ITIH4: variants seen among roughly 807,000 people sequenced by gnomAD.
ITIH4 encodes inter-alpha-trypsin inhibitor heavy chain 4.
ITIH4 carries 79 observed loss-of-function variants against 111.8 expected under a neutral mutation model. That is an observed-to-expected ratio of 0.71 (90% CI 0.59 to 0.85). ITIH4 has a LOEUF of 0.85. ITIH4 is among the 40% of genes least tolerant of loss of function. The pLI is 0.00. For missense variants in ITIH4, 1,065 were observed against 1,195.8 expected (o/e 0.89, Z 1.61); for synonymous variants, 472 against 468.3 (o/e 1.01, Z -0.10).
rs1475266224 is a variant in ITIH4 at position 52,819,524 on chromosome 3, G to A, written c.1952-6C>T. ...CCGGGAGCCAGCAGCTCCAGCTTTGGAGAAATCGACAGATGCAGTCTTCTC... is the reference window on the plus strand; with the variant it reads ...CCGGGAGCCAGCAGCTCCAGCTTTGAAGAAATCGACAGATGCAGTCTTCTC... On this transcript the variant is annotated splice_polypyrimidine_tract_variant and splice_region_variant and intron_variant, in intron 16 of 23. Transcript: ENST00000266041. The A allele has an allele frequency of 1.9e-6, 3 of 1,613,950 alleles. No individual in the cohort carries two copies. The highest frequency in any genetic ancestry group is 1.3e-5 in the African/African-American group (1 of 74,916).
chr3:52,821,268 G>C (rs1700376440), intron 11 of ITIH4, 138 bp from the exon 12 acceptor site: 1 of 1,052,654 alleles, frequency 9.5e-7, no homozygotes, highest in Non-Finnish European at 1.4e-6. Context: ...TCCTTTGAGT[G>C]GGGGTAAGGA....
At chr3:52,823,066 G>A (rs1437026467) in intron 11 of ITIH4, among the ~76,000 whole-genome samples, 1 of 152,184 alleles carries the variant, frequency 6.6e-6, no homozygotes, top group Non-Finnish European at 1.5e-5. Flanking sequence ...AGGCCCTGCC[G>A]CAGAGCTTGT....
chr3:52,816,588 T>G (rs1700280650), intron 21 of ITIH4, among the ~76,000 whole-genome samples: 1 of 152,176 alleles, frequency 6.6e-6, no homozygotes. Context: ...GTGAAGAAAC[T>G]GAGGCTCAGA....
intron 2 of ITIH4, among the ~76,000 whole-genome samples, chr3:52,828,456 C>T (rs1030817555): frequency 2.0e-5 from 3 of 152,216 alleles, no homozygotes; most frequent in African/African-American, 7.2e-5. Flanking sequence ...CTCTCTGCCC[C>T]ACCATCGCCC....
In ITIH4 at chr3:52,830,609, T is replaced by C; in HGVS notation, c.34A>G (p.Lys12Glu). ...KPPRPVRTCSKVLVLLSLLAI... is the reference protein window; with the variant it reads ...KPPRPVRTCSEVLVLLSLLAI... ...AGCAGTGAAAGCAGGACGAGAACTT[T>C]GCTGCAGGTACGGACAGGCCTTGGG... Residue 12 changes from lysine to glutamate, a missense_variant, in exon 1 of 24, where the codon AAA becomes GAA. Coordinates refer to ENST00000266041, the MANE Select transcript of ITIH4 (RefSeq NM_002218.5). The C allele has an allele frequency of 6.2e-7, 1 of 1,614,084 alleles. No homozygotes were observed. Among genetic ancestry groups the C allele is most frequent in the Non-Finnish European group, 8.5e-7 (1 of 1,179,960 alleles).
At chr3:52,819,350 C>T in intron 17 of ITIH4, 43 bp downstream of exon 17, 1 of 1,612,314 alleles carries the variant, frequency 6.2e-7, no homozygotes, top group South Asian at 1.1e-5. Flanking sequence ...TCAAGGACCA[C>T]CGTGGGAAAC....
In ITIH4 at chr3:52,821,181, C is replaced by CA. The variant is rs1179070525; in HGVS notation, c.1540-52dup. Reference sequence around the variant, plus strand: ...AGGAGCAGTGAGGGCCGGACATCTGCATCTGCCTGGCACTTCTGAGCTCTT... The same window carrying CA: ...AGGAGCAGTGAGGGCCGGACATCTGCAATCTGCCTGGCACTTCTGAGCTCTT... On this transcript the variant is annotated intron_variant, in intron 11 of 23. Coordinates refer to ENST00000266041, the MANE Select transcript of ITIH4 (RefSeq NM_002218.5). 1.9e-6 allele frequency: 3 copies of CA among 1,587,332 alleles called. No homozygotes were observed. The African/African-American group carries it at 4.0e-5, about 21-fold the overall frequency.
At chr3:52,825,739 T>G (rs1700469324) in intron 6 of ITIH4, 147 bp downstream of exon 6, 2 of 865,746 alleles carry the variant, frequency 2.3e-6, no homozygotes, top group Non-Finnish European at 3.4e-6. Context: ...ACAACACAAC[T>G]AAATCACGTG....
At position 52,816,991 on chromosome 3, in the gene ITIH4, C is replaced by A; in HGVS notation, c.2364G>T (p.Lys788Asn). ...AGFSWIEVTFKNPLVWVHASP... is the reference protein window; with the variant it reads ...AGFSWIEVTFNNPLVWVHASP... Reference sequence around the variant, plus strand: ...ATGCGTGAACCCATACCAGGGGGTTCTTGAAGGTCACTTCGATCCATGAGA... The same window carrying A: ...ATGCGTGAACCCATACCAGGGGGTTATTGAAGGTCACTTCGATCCATGAGA... Residue 788 changes from lysine (K) to asparagine (N), a missense_variant, in exon 21 of 24, where the codon AAG becomes AAT. Lys to Asn is a moderately conservative substitution (Grantham distance 94). Transcript: ENST00000266041. The A allele has an allele frequency of 6.2e-7, 1 of 1,614,014 alleles. No homozygotes were observed. Among genetic ancestry groups the A allele is most frequent in the Non-Finnish European group, 8.5e-7 (1 of 1,179,952 alleles).
chr3:52,826,689 C>G, intron 4 of ITIH4, 38 bp from the exon 5 acceptor site: 2 of 1,611,352 alleles, frequency 1.2e-6, no homozygotes, highest in South Asian at 1.1e-5. Context: ...CAGCCAGGAG[C>G]CTGGGCTGGG....
At position 52,824,727 on chromosome 3, in the gene ITIH4, C is replaced by G; in HGVS notation, c.876+115G>C. 8.1e-7 allele frequency: 1 copy of G among 1,232,722 alleles called. No homozygotes were observed. Among genetic ancestry groups the G allele is most frequent in the Non-Finnish European group, 1.1e-6 (1 of 872,664 alleles). The allele number at this position is 1,232,722 out of a possible 1,614,324, so 76.4% of individuals were successfully genotyped here. ...TCTGGCCAACCTTGGTTCCTGAGAG[C>G]CACCCGCCCCATGGTGCCGAAAGGT... On this transcript the variant is annotated intron_variant, in intron 7 of 23. Coordinates refer to ENST00000266041, the MANE Select transcript of ITIH4 (RefSeq NM_002218.5). The surrounding 1 kb of genome is among the most constrained non-coding windows in gnomAD (Gnocchi z 4.3).
chr3:52,827,472 G>T (rs967289349), intron 2 of ITIH4, among the ~76,000 whole-genome samples: 1 of 152,256 alleles, frequency 6.6e-6, no homozygotes, highest in African/African-American at 2.4e-5. Flanking sequence ...CTGCAGAGGG[G>T]CAGGGCCGGG....
Position 52,824,493 on chromosome 3 carries a change from T to G in ITIH4, c.949A>C (p.Thr317Pro). ...RDQFNLIVFS[T>P]EATQWRPSLV... The stretch of plus-strand genomic sequence containing the variant: ...GATGGCCTCCACTGAGTTGCTTCTG[T>G]ACTGAAGACGATGAGGTTGAACTGG... The change falls in exon 8 of 24, where the codon ACA becomes CCA. Residue 317 changes from threonine (T) to proline (P), a missense_variant. Thr to Pro is a conservative substitution (Grantham distance 38). Coordinates refer to ENST00000266041, the MANE Select transcript of ITIH4 (RefSeq NM_002218.5). This position sits in a 1 kb window ranked among gnomAD's most constrained non-coding sequence, Gnocchi z 4.3. The G allele has an allele frequency of 6.2e-7, 1 of 1,614,128 alleles. No individual in the cohort carries two copies.
chr3:52,815,236 TTTC>T (rs1700260621), intron 21 of ITIH4, among the ~76,000 whole-genome samples: 1 of 148,050 alleles, frequency 6.8e-6, no homozygotes, highest in Non-Finnish European at 1.5e-5. Flanking sequence ...TGTGGGTTTT[TTTC>T]TTTTTTCTTT....
intron 20 of ITIH4, 135 bp downstream of exon 20, chr3:52,817,917 C>T: frequency 1.3e-6 from 1 of 754,714 alleles, no homozygotes; most frequent in East Asian, 2.5e-5. Context: ...CATGCCAGCA[C>T]TGGGAGGCAG....
rs146850284 is a variant in ITIH4, at chr3:52,826,646, G to A, written c.525C>T (p.Asp175=). 1.2e-6 allele frequency: 2 copies of A among 1,613,664 alleles called. No homozygotes were observed. Among genetic ancestry groups the A allele is most frequent in the African/African-American group, 2.7e-5 (2 of 74,928 alleles). ...PQQLVKHLQM[D]IHIFEPQGIS... ...TGCCCTGGGGCTCGAAGATGTGAATGTCCATCTGGAGGCAAGATGTGGGTC... is the reference window on the plus strand; with the variant it reads ...TGCCCTGGGGCTCGAAGATGTGAATATCCATCTGGAGGCAAGATGTGGGTC... The change falls in exon 5 of 24, where the codon GAC becomes GAT. Residue 175 remains aspartate, a synonymous_variant. Coordinates refer to ENST00000266041, the MANE Select transcript of ITIH4 (RefSeq NM_002218.5).
chr3:52,818,704 G>C (rs547916655), intron 17 of ITIH4, 168 bp from the exon 18 acceptor site: 2 of 641,888 alleles, frequency 3.1e-6, no homozygotes, highest in Non-Finnish European at 5.6e-6. Flanking sequence ...TGCTGTCAGG[G>C]ATAGGTCCAG....
Position 52,824,903 on chromosome 3 carries a change from G to A in ITIH4, c.815C>T (p.Pro272Leu), listed in dbSNP as rs1408550240. The A allele has an allele frequency of 6.2e-7, 1 of 1,613,972 alleles. No homozygotes were observed. Among genetic ancestry groups the A allele is most frequent in the African/African-American group, 1.3e-5 (1 of 74,918 alleles). The change falls in exon 7 of 24, where the codon CCC becomes CTC. Residue 272 changes from proline (P) to leucine (L), a missense_variant. By Grantham distance (98) the Pro-to-Leu change is moderately conservative (BLOSUM62 -3). Coordinates refer to ENST00000266041, the MANE Select transcript of ITIH4 (RefSeq NM_002218.5). This position sits in a 1 kb window ranked among gnomAD's most constrained non-coding sequence, Gnocchi z 4.3. The stretch of plus-strand genomic sequence containing the variant: ...GTCAATGACAAAGACCACATTCTTG[G>A]GCATTGTGGTTAGGCCCTCGGGGGC... ...YFAPEGLTTM[P>L]KNVVFVIDKS...
chr3:52,819,324 C>T lies in ITIH4; in HGVS notation c.2077+69G>A, dbSNP rs7620907. The stretch of plus-strand genomic sequence containing the variant: ...TGTGGTGCGTGCTTTACCCCACCCC[C>T]CTCTATGGGGCAGGCTCAAGGACCA... On this transcript the variant is annotated intron_variant, in intron 17 of 23. Transcript: ENST00000266041. 1.5e-5 allele frequency: 24 copies of T among 1,592,418 alleles called. No homozygotes were observed. In the East Asian group the frequency reaches 5.2e-4, roughly 34 times the overall value.
Sources: gnomAD v4.1 joint callset for allele counts (sites outside exome capture counted in the v4.1 genomes callset) on GRCh38, gnomAD v4.1.1 for gene constraint, Gnocchi (gnomAD v3.1) non-coding constraint, MANE v1.5 for transcripts, NCBI Gene and HGNC (gene_info 2026-07-23, HGNC 2026-07-21) for gene names.